Variants in CDYL observed in about 807,000 individuals in gnomAD.
The protein encoded by CDYL is chromodomain Y like, also known as chromodomain Y-like protein.
CDYL carries 8 observed loss-of-function variants against 47.3 expected under a neutral mutation model. The observed-to-expected ratio is 0.17, with a 90% CI of 0.10 to 0.31. The LOEUF is 0.31. Among genes scored for constraint, CDYL ranks in the 10% least tolerant of loss-of-function variants. The probability of loss-of-function intolerance (pLI) is 1.00; values close to 1 mark genes in which losing one functional copy is unlikely to be tolerated. For synonymous variants in CDYL, 266 were observed against 265.0 expected (o/e 1.00, Z -0.04); for missense variants, 471 against 701.4 (o/e 0.67, Z 3.71).
chr6:4,819,058 A>T (rs965967729), intron 1 of CDYL, among the ~76,000 whole-genome samples: 1 of 139,014 alleles, frequency 7.2e-6, no homozygotes, highest in African/African-American at 2.7e-5. Flanking sequence ...CATAAATCCA[A>T]CTGTTTTTAT....
intron 2 of CDYL, among the ~76,000 whole-genome samples, chr6:4,924,483 C>T (rs1163287738): frequency 6.6e-6 from 1 of 152,182 alleles, no homozygotes; most frequent in Non-Finnish European, 1.5e-5. Context: ...GCCTTTTACA[C>T]CTCCTCTGTT....
At chr6:4,826,971 A>T (rs1180267312) in intron 1 of CDYL, among the ~76,000 whole-genome samples, 1 of 152,110 alleles carries the variant, frequency 6.6e-6, no homozygotes, top group East Asian at 1.9e-4. Context: ...TATTTGCTTC[A>T]TGTATTTTGG....
At chr6:4,813,425 C>T (rs189573061) in intron 1 of CDYL, among the ~76,000 whole-genome samples, 2 of 152,226 alleles carry the variant, frequency 1.3e-5, no homozygotes, top group East Asian at 1.9e-4. Flanking sequence ...TTGCAGCATC[C>T]GCTGATATTC....
intron 2 of CDYL, among the ~76,000 whole-genome samples, chr6:4,726,138 C>G (rs1349641308): frequency 1.3e-5 from 2 of 152,156 alleles, no homozygotes; most frequent in Non-Finnish European, 2.9e-5. Context: ...ATGGGCCCGG[C>G]ACGGTGGCTC....
At chr6:4,902,645 T>A (rs549638739) in intron 2 of CDYL, among the ~76,000 whole-genome samples, 87 of 152,276 alleles carry the variant, frequency 5.7e-4, no homozygotes, top group African/African-American at 2.0e-3. Context: ...AGGCACTGCA[T>A]TTATCTCCTT....
intron 1 of CDYL, among the ~76,000 whole-genome samples, chr6:4,796,225 G>T (rs929840681): frequency 1.3e-5 from 2 of 152,090 alleles, no homozygotes. Context: ...GAGCCACTGC[G>T]CCTGGCCCAC....
intron 2 of CDYL, among the ~76,000 whole-genome samples, chr6:4,930,126 A>G (rs1410004810): frequency 6.6e-6 from 1 of 152,172 alleles, no homozygotes; most frequent in African/African-American, 2.4e-5. Flanking sequence ...TGCCTCATGT[A>G]TTTGATGAAA....
At chr6:4,734,809 G>A (rs1348481331) in exon 3 of CDYL, 11 of 1,614,002 alleles carry the variant, frequency 6.8e-6, no homozygotes, top group Non-Finnish European at 8.5e-6. Context: ...CGTGAGCAGT[G>A]AGCAAAGCGG....
Position 4,776,521 on chromosome 6 carries a change from A to T in CDYL, c.-263A>T, listed in dbSNP as rs1291474067. On this transcript the variant is annotated 5_prime_UTR_variant, in exon 1 of 7. Coordinates refer to ENST00000397588, the MANE Select transcript of CDYL (RefSeq NM_004824.4). ...CCCGGCCCCGCGGCGGGGCGCGATG[A>T]GCCCGAGCGCGAGCCGGCCCGCCGG... 1 of 131,872 alleles carries T rather than the reference A, an allele frequency of 7.6e-6. No homozygotes were observed. Among genetic ancestry groups the T allele is most frequent in the African/African-American group, 3.0e-5 (1 of 33,656 alleles). The allele number at this position is 131,872 out of a possible 1,614,324, so 8.2% of individuals were successfully genotyped here. A position where few individuals can be genotyped will look rare whatever the true frequency, so the allele number is the denominator to read the frequency against.
rs148796217 is a variant in CDYL at position 4,715,842 on chromosome 6, G to T, written c.64G>T (p.Glu22Ter). ...AAGCAGGAAGAAAAACTGGCAATAC[G>T]AGGGCCCAACCCAAAAGTTATTCCT... Residue 22 changes from glutamate to a stop codon, truncating the protein, a stop_gained, in exon 2 of 9, where the codon GAG (glutamate) becomes TAG (stop). Transcript: ENST00000328908. LOFTEE classifies it high-confidence loss of function. The T allele has an allele frequency of 6.2e-7, 1 of 1,614,172 alleles. No homozygotes were observed. The highest frequency in any genetic ancestry group is 1.3e-5 in the African/African-American group (1 of 75,062).
chr6:4,933,323 G>C (rs1392829353), intron 2 of CDYL, among the ~76,000 whole-genome samples: 1 of 152,204 alleles, frequency 6.6e-6, no homozygotes, highest in East Asian at 1.9e-4. Context: ...GCTCACCCTG[G>C]AGGAGCAAGC....
At chr6:4,935,859 C>T (rs1371931708) in intron 3 of CDYL, 88 bp downstream of exon 3, 5 of 1,569,358 alleles carry the variant, frequency 3.2e-6, no homozygotes, top group Non-Finnish European at 4.3e-6. Context: ...TCTTCCTGTG[C>T]TCTTTCTAAA....
chr6:4,944,269 T>C (rs1758447941), intron 5 of CDYL, among the ~76,000 whole-genome samples: 1 of 152,208 alleles, frequency 6.6e-6, no homozygotes, highest in South Asian at 2.1e-4. Flanking sequence ...CAGGAGGTGG[T>C]GTCACAGGTC....
intron 1 of CDYL, among the ~76,000 whole-genome samples, chr6:4,877,313 T>G (rs1003621360): frequency 6.6e-6 from 1 of 152,240 alleles, no homozygotes; most frequent in African/African-American, 2.4e-5. Flanking sequence ...TTGTTTTTGA[T>G]GAGAAGTTTA....
intron 3 of CDYL, among the ~76,000 whole-genome samples, chr6:4,737,378 C>T (rs983617676): frequency 6.6e-6 from 1 of 152,040 alleles, no homozygotes; most frequent in Non-Finnish European, 1.5e-5. Flanking sequence ...AGGGGCCAGG[C>T]GCAGTGGCTC....
At chr6:4,902,561 G>T (rs1267965642) in intron 2 of CDYL, among the ~76,000 whole-genome samples, 1 of 152,212 alleles carries the variant, frequency 6.6e-6, no homozygotes, top group East Asian at 1.9e-4. Context: ...AGGAGACTGA[G>T]CTGTGCCCAG....
intron 1 of CDYL, among the ~76,000 whole-genome samples, chr6:4,874,007 C>T (rs1200656060): frequency 6.6e-6 from 1 of 152,112 alleles, no homozygotes; most frequent in East Asian, 1.9e-4. Flanking sequence ...ATTCCCAAAC[C>T]ACAGAGTAAG....
intron 2 of CDYL, among the ~76,000 whole-genome samples, chr6:4,721,593 G>C (rs1195106545): frequency 6.6e-6 from 1 of 151,998 alleles, no homozygotes; most frequent in Non-Finnish European, 1.5e-5. Context: ...TGTTGGCCAG[G>C]CTGCTATCCA....
chr6:4,723,514 C>T (rs1757413617), intron 2 of CDYL, among the ~76,000 whole-genome samples: 1 of 152,108 alleles, frequency 6.6e-6, no homozygotes, highest in African/African-American at 2.4e-5. Flanking sequence ...CCTGGGCTAG[C>T]AAGAGTGGGG....
Sources: allele counts gnomAD v4.1 joint callset (sites outside exome capture counted in the v4.1 genomes callset), GRCh38; gene constraint gnomAD v4.1.1; transcripts MANE v1.5; gene names NCBI Gene and HGNC (gene_info 2026-07-23, HGNC 2026-07-21).